MMP26: variants seen among roughly 807,000 people sequenced by gnomAD.
MMP26 encodes the protein matrix metalloproteinase-26.
A neutral mutation model predicts 31.0 loss-of-function variants in MMP26; 33 were observed. The ratio of observed to expected loss-of-function variants is 1.06; its 90% confidence interval spans 0.81 to 1.42. The LOEUF (loss-of-function observed/expected upper bound fraction) is 1.42, where lower values mean the gene tolerates loss of function less well. Ranked by LOEUF, MMP26 falls within the 40% of genes most tolerant of loss-of-function variation. The pLI is 0.00. For missense variants in MMP26, 347 were observed against 316.1 expected (o/e 1.10, Z -0.74); for synonymous variants, 122 against 114.9 (o/e 1.06, Z -0.40).
At chr11:4,958,122 C>G (rs1479713896) in intron 2 of MMP26, among the ~76,000 whole-genome samples, 1 of 152,146 alleles carries the variant, frequency 6.6e-6, no homozygotes, top group African/African-American at 2.4e-5. Flanking sequence ...AGCTCCTTCA[C>G]TAGATGGAAC....
chr11:4,936,374 T>G (rs1220398633), intron 2 of MMP26, among the ~76,000 whole-genome samples: 1 of 152,094 alleles, frequency 6.6e-6, no homozygotes, highest in Non-Finnish European at 1.5e-5. Flanking sequence ...TAGAGGTGTT[T>G]GTAGTATTCT....
intron 2 of MMP26, among the ~76,000 whole-genome samples, chr11:4,820,991 A>T (rs1429458375): frequency 6.6e-6 from 1 of 152,218 alleles, no homozygotes; most frequent in African/African-American, 2.4e-5. Flanking sequence ...AAATATAATA[A>T]TATTCACATT....
intron 2 of MMP26, among the ~76,000 whole-genome samples, chr11:4,840,484 G>A (rs1162914169): frequency 6.6e-6 from 1 of 152,206 alleles, no homozygotes; most frequent in Non-Finnish European, 1.5e-5. Flanking sequence ...AACACAGACA[G>A]ACTCCATTTA....
At chr11:4,880,555 A>T (rs1390627247) in intron 2 of MMP26, among the ~76,000 whole-genome samples, 2 of 152,096 alleles carry the variant, frequency 1.3e-5, no homozygotes, top group Non-Finnish European at 2.9e-5. Context: ...TTGTTTGGTA[A>T]TCAATCAATG....
chr11:4,938,038 A>T (rs1846153964), intron 2 of MMP26: 1 of 152,242 alleles, frequency 6.6e-6, no homozygotes, highest in South Asian at 2.1e-4. Flanking sequence ...AAATAGGAAT[A>T]GTCCCAAAGT....
chr11:4,872,087 T>C (rs1850318316), intron 2 of MMP26, among the ~76,000 whole-genome samples: 1 of 152,120 alleles, frequency 6.6e-6, no homozygotes, highest in South Asian at 2.1e-4. Flanking sequence ...GCAGTAATAA[T>C]AGTGCTTTTC....
chr11:4,814,304 G>C (rs890708129), intron 2 of MMP26, among the ~76,000 whole-genome samples: 2 of 152,234 alleles, frequency 1.3e-5, no homozygotes, highest in African/African-American at 4.8e-5. Context: ...GATGCTTATA[G>C]CAGCTGTATT....
chr11:4,990,789 G>T (rs767873966), intron 5 of MMP26, 43 bp downstream of exon 5: 45 of 1,593,120 alleles, frequency 2.8e-5, no homozygotes, highest in Non-Finnish European at 1.7e-6. Flanking sequence ...TATGCCCTGT[G>T]TAAAGGACAA....
chr11:4,924,294 G>C, intron 2 of MMP26: 1 of 1,613,174 alleles, frequency 6.2e-7, no homozygotes, highest in Non-Finnish European at 8.5e-7. Context: ...AAGCCCGTCA[G>C]GAAGAAAGTG....
At chr11:4,710,353 C>T (rs4471413) in intron 1 of MMP26, 377,880 of 456,716 alleles carry the variant, frequency 0.83, 157,136 homozygotes, top group African/African-American at 0.9. Context: ...AGTTTGTCAC[C>T]AGTGCACAGA....
At chr11:4,838,717 A>T (rs917434839) in intron 2 of MMP26, among the ~76,000 whole-genome samples, 2 of 122,090 alleles carry the variant, frequency 1.6e-5, no homozygotes, top group Admixed American at 1.7e-4. Flanking sequence ...AGGCATATAG[A>T]AAGTTATCGA....
At chr11:4,915,115 A>T (rs1333795026) in intron 2 of MMP26, 1 of 1,614,120 alleles carries the variant, frequency 6.2e-7, no homozygotes, top group East Asian at 2.2e-5. Context: ...GGTGGAGACA[A>T]TAAGAATGTG....
chr11:4,742,424 A>T (rs1848326908), intron 1 of MMP26, among the ~76,000 whole-genome samples: 1 of 152,184 alleles, frequency 6.6e-6, no homozygotes, highest in Non-Finnish European at 1.5e-5. Flanking sequence ...TATAGTTGGA[A>T]AAACGTGGGC....
intron 2 of MMP26, among the ~76,000 whole-genome samples, chr11:4,900,313 C>T (rs1304787685): frequency 6.6e-6 from 1 of 152,120 alleles, no homozygotes; most frequent in Non-Finnish European, 1.5e-5. Context: ...AAACCTACAC[C>T]CATCATATGT....
intron 2 of MMP26, among the ~76,000 whole-genome samples, chr11:4,952,204 T>C (rs1265836125): frequency 8.0e-6 from 1 of 125,040 alleles, no homozygotes; most frequent in African/African-American, 2.7e-5. Context: ...TTTTATTTTA[T>C]TAAGACTGCC....
At chr11:4,944,221 G>T in intron 2 of MMP26, 1 of 387,976 alleles carries the variant, frequency 2.6e-6, no homozygotes, top group South Asian at 1.9e-5. Context: ...GAAAACATAC[G>T]TAGTCCTGAA....
chr11:4,927,872 T>A (rs1851294515), intron 2 of MMP26, among the ~76,000 whole-genome samples: 1 of 151,972 alleles, frequency 6.6e-6, no homozygotes, highest in African/African-American at 2.4e-5. Flanking sequence ...GTAATGAGAT[T>A]AAAAAATCAG....
chr11:4,819,118 A>G (rs188937727), intron 2 of MMP26, among the ~76,000 whole-genome samples: 1 of 152,196 alleles, frequency 6.6e-6, no homozygotes, highest in Admixed American at 6.5e-5. Context: ...AAACAGTTAT[A>G]AGAGAAAATA....
rs148748007 is a variant in MMP26 at position 4,979,279 on chromosome 11, C to T, written c.-144-8789C>T. Among the ~76,000 whole-genome samples the T allele has an allele frequency of 2.1e-3, 317 of 152,194 alleles. 2 individuals carry two copies. Among genetic ancestry groups the T allele is most frequent in the Non-Finnish European group, 3.5e-3 (235 of 67,980 alleles). On this transcript the variant is annotated intron_variant, in intron 2 of 7. Transcript: ENST00000380390. ...CTTGCCAAGATTCCAGATCTGAATTCGTTCAGACTGCAAACCAATGATTGA... is the reference window on the plus strand; with the variant it reads ...CTTGCCAAGATTCCAGATCTGAATTTGTTCAGACTGCAAACCAATGATTGA...
Sources: gnomAD v4.1 joint callset for allele counts (sites outside exome capture counted in the v4.1 genomes callset) on GRCh38, gnomAD v4.1.1 for gene constraint, MANE v1.5 for transcripts, NCBI Gene and HGNC (gene_info 2026-07-23, HGNC 2026-07-21) for gene names.